The following UVRAG variants were observed in gnomAD, a reference collection of about 807,000 sequenced individuals.
The protein encoded by UVRAG is UV radiation resistance-associated gene protein.
In UVRAG, 19 loss-of-function variants were observed where a neutral mutation model predicts 78.0. The ratio of observed to expected loss-of-function variants is 0.24; its 90% confidence interval spans 0.17 to 0.36. UVRAG has a LOEUF of 0.36. Ranked by LOEUF, UVRAG falls within the 10% of genes least tolerant of loss-of-function variation. UVRAG has a pLI of 1.00. For missense variants in UVRAG, 740 were observed against 853.8 expected, an observed-to-expected ratio of 0.87 and a Z score of 1.66; for synonymous variants, 323 against 324.6, an observed-to-expected ratio of 1.00 and a Z score of 0.05.
intron 12 of UVRAG, among the ~76,000 whole-genome samples, chr11:76,050,117 C>G (rs148928382): frequency 6.6e-6 from 1 of 152,216 alleles, no homozygotes; most frequent in East Asian, 1.9e-4. Flanking sequence ...GGCGTTTGCT[C>G]TAATAGTAGA....
intron 3 of UVRAG, among the ~76,000 whole-genome samples, chr11:75,865,327 T>C (rs971308215): frequency 1.3e-5 from 2 of 151,626 alleles, no homozygotes; most frequent in African/African-American, 2.4e-5. Flanking sequence ...AAGAGTGTTT[T>C]CCCCCAAATA....
intron 7 of UVRAG, among the ~76,000 whole-genome samples, chr11:75,978,281 C>T (rs567668626): frequency 1.2e-4 from 18 of 152,296 alleles, no homozygotes; most frequent in African/African-American, 4.1e-4. Flanking sequence ...CCTGACCTTT[C>T]TCTCTGGCTG....
chr11:76,006,102 T>G (rs981368505), intron 9 of UVRAG, among the ~76,000 whole-genome samples: 2 of 152,142 alleles, frequency 1.3e-5, no homozygotes, highest in Admixed American at 6.5e-5. Context: ...GCCCCTGCCT[T>G]AAGTCATCTC....
intron 11 of UVRAG, among the ~76,000 whole-genome samples, chr11:76,015,381 G>A (rs1392084939): frequency 6.6e-6 from 1 of 152,068 alleles, no homozygotes; most frequent in African/African-American, 2.4e-5. Flanking sequence ...ATAAATTTAT[G>A]AGACAGTACA....
intron 5 of UVRAG, among the ~76,000 whole-genome samples, chr11:75,896,155 G>A (rs1295943777): frequency 6.6e-6 from 1 of 152,194 alleles, no homozygotes; most frequent in African/African-American, 2.4e-5. Flanking sequence ...TTAATGTTTG[G>A]TGACTATTGG....
chr11:75,995,937 T>A (rs1237922127), intron 8 of UVRAG, among the ~76,000 whole-genome samples: 1 of 152,154 alleles, frequency 6.6e-6, no homozygotes, highest in African/African-American at 2.4e-5. Context: ...TGAGGACAGA[T>A]TCTCCCTAGG....
At chr11:76,037,729 G>C (rs1199342031) in intron 12 of UVRAG, among the ~76,000 whole-genome samples, 1 of 151,870 alleles carries the variant, frequency 6.6e-6, no homozygotes, top group East Asian at 1.9e-4. Flanking sequence ...GGGGTGGTGG[G>C]GGCGGGTACT....
intron 14 of UVRAG, among the ~76,000 whole-genome samples, chr11:76,126,485 T>C (rs981249674): frequency 7.9e-5 from 12 of 152,338 alleles, no homozygotes; most frequent in Admixed American, 1.3e-4. Flanking sequence ...CAGCAACCAG[T>C]TCCTAGTGGT....
At chr11:76,085,828 C>T (rs978285375) in intron 13 of UVRAG, among the ~76,000 whole-genome samples, 1 of 152,102 alleles carries the variant, frequency 6.6e-6, no homozygotes, top group Non-Finnish European at 1.5e-5. Context: ...GCAGGTTTGT[C>T]ATTGTCATAT....
At chr11:76,030,017 T>C (rs1469965099) in intron 12 of UVRAG, among the ~76,000 whole-genome samples, 1 of 152,212 alleles carries the variant, frequency 6.6e-6, no homozygotes, top group East Asian at 1.9e-4. Flanking sequence ...TTTTTAGCAA[T>C]AATATGTTTT....
At chr11:76,090,213 A>C (rs1158132466) in intron 13 of UVRAG, among the ~76,000 whole-genome samples, 1 of 152,172 alleles carries the variant, frequency 6.6e-6, no homozygotes, top group Non-Finnish European at 1.5e-5. Context: ...CTGTGCACAG[A>C]GGCCTTTCAT....
chr11:75,840,684 A>G (rs1469464035), intron 1 of UVRAG, among the ~76,000 whole-genome samples: 1 of 152,212 alleles, frequency 6.6e-6, no homozygotes, highest in African/African-American at 2.4e-5. Flanking sequence ...AAAGCTCTCA[A>G]TTAGCGACCA....
At chr11:75,887,771 A>T (rs1947119589) in intron 4 of UVRAG, among the ~76,000 whole-genome samples, 1 of 151,394 alleles carries the variant, frequency 6.6e-6, no homozygotes, top group Admixed American at 6.6e-5. Flanking sequence ...TTTAGTAGAG[A>T]CGGGGTTTCG....
chr11:75,994,837 A>G (rs994084883), intron 8 of UVRAG, among the ~76,000 whole-genome samples: 1 of 152,186 alleles, frequency 6.6e-6, no homozygotes, highest in Non-Finnish European at 1.5e-5. Context: ...GTGAGGTGTT[A>G]GCTAGAGAAC....
chr11:75,864,848 T>A (rs1442653325), intron 3 of UVRAG, among the ~76,000 whole-genome samples: 1 of 152,246 alleles, frequency 6.6e-6, no homozygotes, highest in African/African-American at 2.4e-5. Flanking sequence ...AGTTGGACTT[T>A]GATAAGCTTG....
At chr11:75,822,343 A>G (rs1343844933) in intron 1 of UVRAG, among the ~76,000 whole-genome samples, 1 of 152,244 alleles carries the variant, frequency 6.6e-6, no homozygotes, top group Non-Finnish European at 1.5e-5. Context: ...CTGTTATACT[A>G]TCAGCATAAC....
rs114372547 is a variant in UVRAG at position 76,117,023 on chromosome 11, G to A, written c.1397+1008G>A. Among the ~76,000 whole-genome samples, 456 of 152,198 alleles carry A rather than the reference G, an allele frequency of 3.0e-3. 1 individual carries two copies. The highest frequency in any genetic ancestry group is 0.01 in the African/African-American group (430 of 41,520). On this transcript the variant is annotated intron_variant, in intron 14 of 14. Coordinates refer to ENST00000356136, the MANE Select transcript of UVRAG (RefSeq NM_003369.4). ...TAAAGCTTGGTGTTGATATGGACCC[G>A]GATGCCTTCAGGAATATGAGAGAGG...
intron 12 of UVRAG, among the ~76,000 whole-genome samples, chr11:76,030,570 A>G (rs966292872): frequency 2.0e-5 from 3 of 152,152 alleles, no homozygotes; most frequent in Non-Finnish European, 2.9e-5. Context: ...TTTTAGTCAT[A>G]TCCCCAGGTT....
At chr11:75,963,964 G>C (rs1295778212) in intron 7 of UVRAG, among the ~76,000 whole-genome samples, 1 of 152,046 alleles carries the variant, frequency 6.6e-6, no homozygotes, top group African/African-American at 2.4e-5. Context: ...CACAGTTTGT[G>C]TTTCAGATTT....
Sources: allele counts gnomAD v4.1 joint callset (sites outside exome capture counted in the v4.1 genomes callset), GRCh38; gene constraint gnomAD v4.1.1; transcripts MANE v1.5; gene names NCBI Gene and HGNC (gene_info 2026-07-23, HGNC 2026-07-21).